Variants in SUGCT observed in about 807,000 individuals in gnomAD.
SUGCT encodes the protein succinyl-CoA:glutarate-CoA transferase.
SUGCT carries 41 observed loss-of-function variants against 55.0 expected under a neutral mutation model. That is an observed-to-expected ratio of 0.74 (90% confidence interval 0.58 to 0.97). The LOEUF is 0.97. SUGCT is among the 50% of genes least tolerant of loss of function. The pLI, the probability that SUGCT is intolerant of heterozygous loss-of-function variation, is 0.00. For missense variants in SUGCT, 568 were observed against 547.8 expected, an observed-to-expected ratio of 1.04 and a Z score of -0.37; for synonymous variants, 187 against 200.4, an observed-to-expected ratio of 0.93 and a Z score of 0.56.
intron 1 of SUGCT, among the ~76,000 whole-genome samples, chr7:40,175,197 G>A (rs976859977): frequency 6.6e-6 from 1 of 151,838 alleles, no homozygotes; most frequent in African/African-American, 2.4e-5. Context: ...TTGTGTTCAT[G>A]GTATCTTTCA....
At chr7:40,629,155 A>C (rs1298054209) in intron 12 of SUGCT, among the ~76,000 whole-genome samples, 1 of 152,180 alleles carries the variant, frequency 6.6e-6, no homozygotes, top group Non-Finnish European at 1.5e-5. Context: ...ATTTCAGCGC[A>C]GTTCATGCCT....
At chr7:41,022,514 G>A in the SUGCT span, among the ~76,000 whole-genome samples, 100 of 152,214 alleles carry the variant, frequency 6.6e-4, no homozygotes, top group Middle Eastern at 3.4e-3. Flanking sequence ...AAAGATTGAT[G>A]GTGAGTAGAG....
chr7:40,717,922 TCC>T (rs10585325), intron 12 of SUGCT, among the ~76,000 whole-genome samples: 26,814 of 152,058 alleles, frequency 0.18, 2,651 homozygotes, highest in Non-Finnish European at 0.23. Flanking sequence ...AAGTATATTC[TCC>T]TCTTCTTCTT....
chr7:40,739,333 A>G lies in SUGCT; in HGVS notation c.1090-10101A>G, dbSNP rs1028236165. Among the ~76,000 whole-genome samples, 3 of 152,194 alleles carry G rather than the reference A, an allele frequency of 2.0e-5. No individual in the cohort carries two copies. In the South Asian group the frequency reaches 6.2e-4, roughly 32 times the overall value. On this transcript the variant is annotated intron_variant, in intron 12 of 13. Transcript: ENST00000335693. ...TGTCATTTCAAGAATGCTATGTTCA[A>G]TGAAATCATATACTATGTAATCTTT... is the stretch of plus-strand genomic sequence containing the variant.
intron 9 of SUGCT, among the ~76,000 whole-genome samples, chr7:40,443,512 A>T (rs1445900762): frequency 2.6e-5 from 4 of 152,166 alleles, no homozygotes; most frequent in Non-Finnish European, 5.9e-5. Flanking sequence ...TTGGCTGCAT[A>T]AATATCTTCT....
chr7:40,600,413 A>G (rs1177158464), intron 12 of SUGCT, among the ~76,000 whole-genome samples: 2 of 152,222 alleles, frequency 1.3e-5, no homozygotes, highest in Admixed American at 1.3e-4. Flanking sequence ...GCTGACTGAT[A>G]ACACATGGTT....
At chr7:40,898,480 C>CGGGGGGGG in the SUGCT span, among the ~76,000 whole-genome samples, 71 of 5,700 alleles carry the variant, frequency 0.012, 24 homozygotes, top group Non-Finnish European at 0.023. Flanking sequence ...TCCGGGAGGT[C>CGGGGGGGG]GGGGGGGGGG....
At chr7:40,683,237 T>C (rs1310837024) in intron 12 of SUGCT, among the ~76,000 whole-genome samples, 1 of 152,222 alleles carries the variant, frequency 6.6e-6, no homozygotes, top group African/African-American at 2.4e-5. Context: ...AGGGCGATTT[T>C]CCTGATTTGC....
chr7:40,158,514 G>C (rs1784003053), intron 1 of SUGCT, among the ~76,000 whole-genome samples: 1 of 152,216 alleles, frequency 6.6e-6, no homozygotes, highest in African/African-American at 2.4e-5. Context: ...ACTTTGGGAG[G>C]CCGAGGCAGG....
chr7:40,512,521 G>T (rs1296182955), intron 12 of SUGCT, among the ~76,000 whole-genome samples: 5 of 152,114 alleles, frequency 3.3e-5, no homozygotes, highest in African/African-American at 1.2e-4. Context: ...CTCAGTGGGT[G>T]ACTTTGGGCA....
chr7:40,847,498 C>A (rs958815625), intron 13 of SUGCT, among the ~76,000 whole-genome samples: 20 of 148,562 alleles, frequency 1.3e-4, no homozygotes, highest in Admixed American at 5.4e-4. Flanking sequence ...CTCACTGCAA[C>A]CTCCACCTTC....
At chr7:40,824,521 T>G (rs1047373200) in intron 13 of SUGCT, among the ~76,000 whole-genome samples, 4 of 152,158 alleles carry the variant, frequency 2.6e-5, no homozygotes, top group Admixed American at 2.6e-4. Context: ...ATACATGATA[T>G]AATATGGTAT....
At chr7:40,830,241 T>C (rs1792584072) in intron 13 of SUGCT, among the ~76,000 whole-genome samples, 1 of 152,170 alleles carries the variant, frequency 6.6e-6, no homozygotes. Context: ...TCCATGTGGC[T>C]TTTCACAATG....
At chr7:41,012,192 A>G in the SUGCT span, among the ~76,000 whole-genome samples, 1 of 143,308 alleles carries the variant, frequency 7.0e-6, no homozygotes, top group South Asian at 2.3e-4. Context: ...GTTCCGGTGA[A>G]CTCTCCCTCC....
chr7:40,721,412 T>G (rs1275020552), intron 12 of SUGCT, among the ~76,000 whole-genome samples: 2 of 152,222 alleles, frequency 1.3e-5, no homozygotes, highest in Non-Finnish European at 2.9e-5. Flanking sequence ...GTTTGCTGTC[T>G]GCAACAGTGG....
the SUGCT span, among the ~76,000 whole-genome samples, chr7:41,005,241 T>C: frequency 6.6e-6 from 1 of 152,162 alleles, no homozygotes; most frequent in Non-Finnish European, 1.5e-5. Flanking sequence ...AAAGCCAGTG[T>C]TTCCCCCTCA....
chr7:40,845,054 G>GTTTT (rs138767760), intron 13 of SUGCT, among the ~76,000 whole-genome samples: 1 of 151,348 alleles, frequency 6.6e-6, no homozygotes, highest in Non-Finnish European at 1.5e-5. Flanking sequence ...GTTTTTGGTG[G>GTTTT]TTTATTTTTT....
intron 12 of SUGCT, among the ~76,000 whole-genome samples, chr7:40,735,094 C>T (rs534409383): frequency 2.0e-5 from 3 of 152,296 alleles, no homozygotes; most frequent in Non-Finnish European, 2.9e-5. Flanking sequence ...GACCACCACT[C>T]GGAATGGTTC....
chr7:40,666,761 G>A (rs1449343060), intron 12 of SUGCT, among the ~76,000 whole-genome samples: 1 of 152,078 alleles, frequency 6.6e-6, no homozygotes, highest in Non-Finnish European at 1.5e-5. Flanking sequence ...CAAAGTCATA[G>A]GCTTACTTGA....
Sources: gnomAD v4.1 joint callset for allele counts (sites outside exome capture counted in the v4.1 genomes callset) on GRCh38, gnomAD v4.1.1 for gene constraint, MANE v1.5 for transcripts, NCBI Gene and HGNC (gene_info 2026-07-23, HGNC 2026-07-21) for gene names.